The following PPOX variants were observed in gnomAD, a reference collection of about 807,000 sequenced individuals.
PPOX encodes protoporphyrinogen oxidase, also known as variegate porphyria.
PPOX carries 23 observed loss-of-function variants against 54.1 expected under a neutral mutation model. That is an observed-to-expected ratio of 0.43 (90% CI 0.31 to 0.60). The LOEUF (loss-of-function observed/expected upper bound fraction) is 0.60. PPOX is among the 20% of genes least tolerant of loss of function. The pLI is 0.13. For synonymous variants in PPOX, 224 were observed against 236.1 expected, an observed-to-expected ratio of 0.95 and a Z score of 0.47; for missense variants, 512 against 601.1, an observed-to-expected ratio of 0.85 and a Z score of 1.55.
Position 161,167,980 on chromosome 1 carries a change from C to G in PPOX, c.339-15C>G, listed in dbSNP as rs1330291513. On this transcript the variant is annotated splice_polypyrimidine_tract_variant and intron_variant, in intron 4 of 12. Transcript: ENST00000367999. ...TGTCAGGAGCTTCCCCCTCACTATG[C>G]CTTTCTCCATGCAGGGGGCTACTCC... 1.2e-6 allele frequency: 2 copies of G among 1,614,098 alleles called. No homozygotes were observed. The highest frequency in any genetic ancestry group is 1.7e-6 in the Non-Finnish European group (2 of 1,180,018).
At position 161,168,109 on chromosome 1, in the gene PPOX, G is replaced by C. The variant is rs755401664; in HGVS notation, c.453G>C (p.Gln151His). 1.2e-6 allele frequency: 2 copies of C among 1,614,150 alleles called. No individual in the cohort carries two copies. The highest frequency in any genetic ancestry group is 2.2e-5 in the South Asian group (2 of 91,082). The change falls in exon 5 of 13, where the codon CAG becomes CAC. Residue 151 changes from glutamine (Q) to histidine (H), a missense_variant. Coordinates refer to ENST00000367999, the MANE Select transcript of PPOX (RefSeq NM_001122764.3). ...ATGAGACTGTGCACAGTTTTGCCCA[G>C]CGCCGCCTTGGACCTGAGGTGACAC... The part of the protein sequence containing the change: ...EPDETVHSFA[Q>H]RRLGPEVASL...
Position 161,171,142 on chromosome 1 carries a change from C to G in PPOX, c.1400C>G (p.Ala467Gly). 1 of 1,613,568 alleles carries G rather than the reference C, an allele frequency of 6.2e-7. No homozygotes were observed. The highest frequency in any genetic ancestry group is 8.5e-7 in the Non-Finnish European group (1 of 1,180,002). Reference sequence around the variant, plus strand: ...TGTATAGAGAGTGGGCGCCAGGCAGCAGTCAGTGTCCTGGGCACAGAACCT... The same window carrying G: ...TGTATAGAGAGTGGGCGCCAGGCAGGAGTCAGTGTCCTGGGCACAGAACCT... ...NDCIESGRQAAVSVLGTEPNS is the reference protein window; with the variant it reads ...NDCIESGRQAGVSVLGTEPNS Residue 467 changes from alanine (A) to glycine (G), a missense_variant, in exon 13 of 13, where the codon GCA becomes GGA. Coordinates refer to ENST00000367999, the MANE Select transcript of PPOX (RefSeq NM_001122764.3).
At chr1:161,177,395 C>A, downstream of PPOX, 1 of 274,746 alleles carries the variant, frequency 3.6e-6, no homozygotes, top group Non-Finnish European at 7.1e-6. Flanking sequence ...CCCAGGCCTC[C>A]GTGTCGACGC....
downstream of PPOX, chr1:161,173,541 G>A: frequency 3.7e-6 from 6 of 1,609,270 alleles, no homozygotes; most frequent in South Asian, 6.6e-5. Context: ...TATGGTCAAA[G>A]GTGGTCTTAG....
chr1:161,167,343 T>C (rs1203011476), intron 3 of PPOX, 28 bp from the exon 4 acceptor site: 4 of 1,613,970 alleles, frequency 2.5e-6, no homozygotes, highest in Middle Eastern at 1.6e-4. Context: ...CCTTAGTTTC[T>C]CCTCTTCTGA....
At chr1:161,175,330 G>C, downstream of PPOX, 1 of 1,045,720 alleles carries the variant, frequency 9.6e-7, no homozygotes, top group Non-Finnish European at 1.4e-6. Flanking sequence ...TGGTTCTGGG[G>C]CTTAGTTCTC....
chr1:161,170,135 GC>G, intron 9 of PPOX, 111 bp downstream of exon 9: 3 of 1,322,310 alleles, frequency 2.3e-6, no homozygotes, highest in Non-Finnish European at 1.0e-6. Flanking sequence ...GACCAGCCTG[GC>G]CAACATGGTG....
chr1:161,169,589 G>A (rs757392912), intron 7 of PPOX, 71 bp from the exon 8 acceptor site: 4 of 1,490,318 alleles, frequency 2.7e-6, no homozygotes, highest in Non-Finnish European at 3.7e-6. Context: ...CTGAGAGTGA[G>A]GCACCAGAAG....
chr1:161,172,685 T>C (rs1661886290), downstream of PPOX, among the ~76,000 whole-genome samples: 1 of 151,350 alleles, frequency 6.6e-6, no homozygotes, highest in Admixed American at 6.6e-5. Flanking sequence ...CTGAGAATCT[T>C]AGAATAGTGA....
At chr1:161,167,665 A>G in intron 4 of PPOX, 179 bp downstream of exon 4, 1 of 929,198 alleles carries the variant, frequency 1.1e-6, no homozygotes, top group East Asian at 2.8e-5. Context: ...TTCGGGTTCA[A>G]GCGATTCTCC....
At chr1:161,168,970 A>C (rs1553238883) in intron 6 of PPOX, 23 bp from the exon 7 acceptor site, 2 of 1,612,740 alleles carry the variant, frequency 1.2e-6, no homozygotes, top group Non-Finnish European at 1.7e-6. Flanking sequence ...AGCCTCAATG[A>C]TTCTTCTTTG....
chr1:161,174,323 C>G (rs553625149), downstream of PPOX, among the ~76,000 whole-genome samples: 14 of 150,116 alleles, frequency 9.3e-5, no homozygotes, highest in East Asian at 2.2e-3. Context: ...AGGAGAATGG[C>G]GTAAAACCCG....
At chr1:161,169,519 C>T in intron 7 of PPOX, 141 bp from the exon 8 acceptor site, 1 of 890,116 alleles carries the variant, frequency 1.1e-6, no homozygotes, top group Non-Finnish European at 1.9e-6. Flanking sequence ...TACATAGTCA[C>T]CCAATCTCTT....
intron 9 of PPOX, 35 bp from the exon 10 acceptor site, chr1:161,170,374 C>T: frequency 6.8e-7 from 1 of 1,465,844 alleles, no homozygotes; most frequent in Non-Finnish European, 9.4e-7. Context: ...AGCTAGAGCC[C>T]TTTCCTTCTG....
At position 161,169,990 on chromosome 1, in the gene PPOX, A is replaced by G; in HGVS notation, c.953A>G (p.Asn318Ser). 6.2e-7 allele frequency: 1 copy of G among 1,614,068 alleles called. No individual in the cohort carries two copies. The highest frequency in any genetic ancestry group is 8.5e-7 in the Non-Finnish European group (1 of 1,179,986). ...AITAVSVAVV[N>S]LQYQGAHLPV... is the part of the protein sequence containing the mutation. ...ACTGCAGTGTCTGTAGCTGTGGTGAATCTGCAGTACCAAGGAGCCCATCTG... is the reference window on the plus strand; with the variant it reads ...ACTGCAGTGTCTGTAGCTGTGGTGAGTCTGCAGTACCAAGGAGCCCATCTG... The change falls in exon 9 of 13, where the codon AAT (asparagine) becomes AGT (serine). Residue 318 changes from asparagine (N) to serine (S), a missense_variant. By Grantham distance (46) the Asn-to-Ser change is conservative. Transcript: ENST00000367999.
rs1478009683 is a variant in PPOX, at chr1:161,176,266, C to T, written c.373-583C>T. ...AACCACCAGTAACCCTACCACCTGTCACTTCAGCCCAAGTTTCGCTCTCCT... is the reference window on the plus strand; with the variant it reads ...AACCACCAGTAACCCTACCACCTGTTACTTCAGCCCAAGTTTCGCTCTCCT... On this transcript the variant is annotated intron_variant, in intron 4 of 4. Transcript: ENST00000497522. The T allele has an allele frequency of 3.8e-5, 25 of 658,314 alleles. 1 individual carries two copies. 40.8% of individuals were successfully genotyped at this position (658,314 alleles called of 1,614,324 possible).
At chr1:161,170,096 G>C in intron 9 of PPOX, 72 bp downstream of exon 9, 1 of 1,532,782 alleles carries the variant, frequency 6.5e-7, no homozygotes, top group Non-Finnish European at 8.8e-7. Context: ...GGAGGCCGAG[G>C]TGGGCAGATA....
downstream of PPOX, chr1:161,171,279 G>T: frequency 6.3e-7 from 1 of 1,577,434 alleles, no homozygotes; most frequent in Admixed American, 1.7e-5. Context: ...AAGAGGCAAA[G>T]TGTGCCTGGG....
upstream of PPOX, chr1:161,166,095 T>C (rs1658794429): frequency 3.0e-5 from 30 of 985,340 alleles, no homozygotes; most frequent in Non-Finnish European, 3.6e-5. Flanking sequence ...TGGACTGGCC[T>C]TAAGTGTCCC....
Sources: allele counts gnomAD v4.1 joint callset (sites outside exome capture counted in the v4.1 genomes callset), GRCh38; gene constraint gnomAD v4.1.1; transcripts MANE v1.5; gene names NCBI Gene and HGNC (gene_info 2026-07-23, HGNC 2026-07-21).